The following SMG6 variants were observed in gnomAD, a reference collection of about 807,000 sequenced individuals.
SMG6 encodes SMG6 nonsense mediated mRNA decay factor.
Under a neutral mutation model 142.2 loss-of-function variants are expected in SMG6, and 66 were observed. That is an observed-to-expected ratio of 0.46 (90% CI 0.38 to 0.57). The LOEUF (loss-of-function observed/expected upper bound fraction) is 0.57. SMG6 is among the 20% of genes least tolerant of loss of function. SMG6 has a pLI of 0.00. For missense variants in SMG6, 1,793 were observed against 1,832.0 expected, an observed-to-expected ratio of 0.98 and a Z score of 0.39; for synonymous variants, 779 against 702.4, an observed-to-expected ratio of 1.11 and a Z score of -1.72.
intron 13 of SMG6, among the ~76,000 whole-genome samples, chr17:2,158,797 G>C (rs965426692): frequency 2.0e-5 from 3 of 149,284 alleles, no homozygotes; most frequent in Non-Finnish European, 3.0e-5. Context: ...TGCACCCATA[G>C]TCCCAGCTAC....
At chr17:2,166,444 C>T (rs572933745) in intron 13 of SMG6, among the ~76,000 whole-genome samples, 2 of 152,078 alleles carry the variant, frequency 1.3e-5, no homozygotes, top group Non-Finnish European at 2.9e-5. Context: ...AAGGTACTAT[C>T]TGCTATATTC....
chr17:2,130,266 C>CAAAAAAAAAAAAAAAAAAAAAAAAAAAAA (rs903007543), intron 13 of SMG6, among the ~76,000 whole-genome samples: 1 of 39,520 alleles, frequency 2.5e-5, no homozygotes, highest in Non-Finnish European at 4.1e-5. Context: ...GACTCCGTCT[C>CAAAAAAAAAAAAAAAAAAAAAAAAAAAAA]AAAAAAAAAA....
At chr17:2,172,184 C>T (rs183923644) in intron 13 of SMG6, among the ~76,000 whole-genome samples, 72 of 152,126 alleles carry the variant, frequency 4.7e-4, no homozygotes, top group African/African-American at 1.6e-3. Flanking sequence ...CATATTCCTA[C>T]AAGTTTTTTT....
intron 8 of SMG6, chr17:2,255,730 G>C (rs984627713): frequency 4.1e-5 from 8 of 193,380 alleles, no homozygotes; most frequent in African/African-American, 1.2e-4. Context: ...TGGCGGTTTT[G>C]TGGAATAGAA....
Position 2,141,271 on chromosome 17 carries a change from C to CT in SMG6, c.3357+31386dup, listed in dbSNP as rs1240685584. Among the ~76,000 whole-genome samples the CT allele has an allele frequency of 2.6e-5, 4 of 152,268 alleles. No homozygotes were observed. The East Asian group carries it at 5.8e-4, about 22-fold the overall frequency. Reference sequence around the variant, plus strand: ...ATATTTCGCAGCACTGGCCAAGAATCTATTTGATTGCACTGGTTTGTTTAG... The same window carrying CT: ...ATATTTCGCAGCACTGGCCAAGAATCTTATTTGATTGCACTGGTTTGTTTAG... On this transcript the variant is annotated intron_variant, in intron 13 of 18. Transcript: ENST00000263073.
chr17:2,104,705 T>C (rs76067175), intron 13 of SMG6, among the ~76,000 whole-genome samples: 2,224 of 152,130 alleles, frequency 0.015, 60 homozygotes, highest in African/African-American at 0.05. Context: ...TTACTAGGAA[T>C]TATGTTATTT....
chr17:2,075,959 G>T (rs1189809836), intron 15 of SMG6, among the ~76,000 whole-genome samples: 1 of 152,158 alleles, frequency 6.6e-6, no homozygotes, highest in African/African-American at 2.4e-5. Context: ...TCTGTGCAAC[G>T]CCGGAAGCAG....
rs1471237561 is a variant in SMG6 at position 2,071,964 on chromosome 17, C to T, written c.3682-3033G>A. On this transcript the variant is annotated intron_variant, in intron 15 of 18. Transcript: ENST00000263073. This position sits in a 1 kb window ranked among gnomAD's most constrained non-coding sequence, Gnocchi z 5.6. The stretch of plus-strand genomic sequence containing the variant: ...AGCTGTGCACGGCGCCTGTGCCGGC[C>T]GTCACGTCCCATTCCGATCTCTGGG... 1 of 152,092 alleles carries T rather than the reference C, an allele frequency of 6.6e-6. No homozygotes were observed. The highest frequency in any genetic ancestry group is 1.5e-5 in the Non-Finnish European group (1 of 68,074). The allele number at this position is 152,092 out of a possible 1,614,324, so 9.4% of individuals were successfully genotyped here.
Position 2,303,398 on chromosome 17 carries a change from G to A in SMG6, c.88+235C>T, listed in dbSNP as rs1157803900. ...TCACCTTCGCGGCGAGAAAGAGGGT[G>A]GAGGCAGGAATTCGGGCCAGGCTCT... On this transcript the variant is annotated intron_variant, in intron 1 of 18. Transcript: ENST00000263073. The A allele has an allele frequency of 3.2e-6, 4 of 1,247,420 alleles. No homozygotes were observed. The African/African-American group carries it at 6.2e-5, about 19-fold the overall frequency. 77.3% of individuals were successfully genotyped at this position (1,247,420 alleles called of 1,614,324 possible). A position where few individuals can be genotyped will look rare whatever the true frequency, so the allele number is the denominator to read the frequency against.
intron 13 of SMG6, among the ~76,000 whole-genome samples, chr17:2,140,235 G>C (rs532143447): frequency 6.6e-6 from 1 of 151,944 alleles, no homozygotes; most frequent in East Asian, 1.9e-4. Flanking sequence ...ACTAGTTTTT[G>C]TACTTTTAGT....
intron 13 of SMG6, among the ~76,000 whole-genome samples, chr17:2,126,376 A>G (rs1021500544): frequency 6.6e-6 from 1 of 152,314 alleles, no homozygotes. Flanking sequence ...TCTTTATGAC[A>G]CTGGATTTGG....
chr17:2,184,960 C>CAAAAAAAAAAAAA lies in SMG6; in HGVS notation c.3155+1690_3155+1702dup, dbSNP rs58230459. Among the ~76,000 whole-genome samples, 10 of 22,476 alleles carry CAAAAAAAAAAAAA rather than the reference C, an allele frequency of 4.4e-4. 3 individuals are homozygous for CAAAAAAAAAAAAA. Among genetic ancestry groups the CAAAAAAAAAAAAA allele is most frequent in the Non-Finnish European group, 6.2e-4 (9 of 14,574 alleles). 14.7% of individuals were successfully genotyped at this position (22,476 alleles called of 152,430 possible). On this transcript the variant is annotated intron_variant, in intron 12 of 18. Transcript: ENST00000263073. ...TGGGAGACAGAGCGGGACTCCATCT[C>CAAAAAAAAAAAAA]AAAAAAAAAAAAAAAAAAAAAAAAA... is the stretch of plus-strand genomic sequence containing the variant.
At chr17:2,270,155 C>A (rs2074514937) in intron 8 of SMG6, among the ~76,000 whole-genome samples, 1 of 151,676 alleles carries the variant, frequency 6.6e-6, no homozygotes, top group East Asian at 1.9e-4. Context: ...TAGAGAGATA[C>A]AATGGATTTG....
chr17:2,111,615 A>T (rs1182296679), intron 13 of SMG6, among the ~76,000 whole-genome samples: 2 of 152,122 alleles, frequency 1.3e-5, no homozygotes, highest in African/African-American at 4.8e-5. Context: ...TATTGCCCAG[A>T]CTGGCCTTGA....
intron 4 of SMG6, among the ~76,000 whole-genome samples, chr17:2,296,940 T>C (rs1043313264): frequency 1.3e-5 from 2 of 148,284 alleles, no homozygotes; most frequent in Non-Finnish European, 3.0e-5. Flanking sequence ...GGTTGAAGGT[T>C]ACAGTGAGCC....
intron 10 of SMG6, among the ~76,000 whole-genome samples, chr17:2,216,259 G>T (rs1419496892): frequency 6.6e-6 from 1 of 152,030 alleles, no homozygotes; most frequent in Non-Finnish European, 1.5e-5. Context: ...CAAGGAATGG[G>T]GTCAAGAGCA....
At chr17:2,262,098 A>T (rs2074328416) in intron 8 of SMG6, among the ~76,000 whole-genome samples, 1 of 152,176 alleles carries the variant, frequency 6.6e-6, no homozygotes, top group African/African-American at 2.4e-5. Context: ...GAAAAATGTA[A>T]ATCCATAGCG....
intron 13 of SMG6, among the ~76,000 whole-genome samples, chr17:2,164,371 C>T (rs779352458): frequency 8.6e-5 from 13 of 151,820 alleles, no homozygotes; most frequent in Non-Finnish European, 1.9e-4. Context: ...TGCAGTGAGC[C>T]AAGATCATGC....
intron 13 of SMG6, among the ~76,000 whole-genome samples, chr17:2,132,121 C>A (rs942723737): frequency 6.6e-5 from 10 of 152,014 alleles, no homozygotes; most frequent in Non-Finnish European, 1.5e-4. Flanking sequence ...AATCCTCCTG[C>A]CTTGGGCTCT....
Sources: gnomAD v4.1 joint callset for allele counts (sites outside exome capture counted in the v4.1 genomes callset) on GRCh38, gnomAD v4.1.1 for gene constraint, Gnocchi (gnomAD v3.1) non-coding constraint, MANE v1.5 for transcripts, NCBI Gene and HGNC (gene_info 2026-07-23, HGNC 2026-07-21) for gene names.